Variants in PHLDB2 observed in about 807,000 individuals in gnomAD.
PHLDB2 encodes pleckstrin homology like domain family B member 2, also known as pleckstrin homology-like domain family B member 2.
Under a neutral mutation model 123.6 loss-of-function variants are expected in PHLDB2, and 71 were observed. That is an observed-to-expected ratio of 0.57 (90% CI 0.47 to 0.70). PHLDB2 has a LOEUF of 0.70. Among genes scored for constraint, PHLDB2 ranks in the 30% least tolerant of loss-of-function variants. The probability of loss-of-function intolerance (pLI) is 0.00; values close to 1 mark genes in which losing one functional copy is unlikely to be tolerated. For synonymous variants in PHLDB2, 547 were observed against 541.6 expected, an observed-to-expected ratio of 1.01 and a Z score of -0.14; for missense variants, 1,446 against 1,519.5, an observed-to-expected ratio of 0.95 and a Z score of 0.80.
At chr3:111,798,767 A>G (rs1351834708) in intron 1 of PHLDB2, among the ~76,000 whole-genome samples, 1 of 152,152 alleles carries the variant, frequency 6.6e-6, no homozygotes, top group African/African-American at 2.4e-5. Context: ...TGATGTTTCC[A>G]ATACAATCAA....
intron 5 of PHLDB2, among the ~76,000 whole-genome samples, chr3:111,926,148 A>T (rs2068802470): frequency 1.3e-5 from 2 of 152,262 alleles, no homozygotes; most frequent in African/African-American, 4.8e-5. Flanking sequence ...TTTGAACTGA[A>T]GCTTAAATCA....
chr3:111,834,242 A>T (rs1457434541), intron 1 of PHLDB2, among the ~76,000 whole-genome samples: 2 of 93,090 alleles, frequency 2.1e-5, no homozygotes, highest in African/African-American at 1.6e-4. Flanking sequence ...TGTATATAAT[A>T]GAATTATATA....
rs193194182 is a variant in PHLDB2, at chr3:111,919,155, C to T, written c.1803C>T (p.Leu601=). ...EETRIVILNN[L]EELKQKIKDI... ...CCCGGATAGTCATTCTGAACAACCT[C>T]GAGGAACTTAAGCAAAAAATCAAAG... The change falls in exon 4 of 18, where the codon CTC becomes CTT. Residue 601 remains leucine (L), a synonymous_variant. Transcript: ENST00000431670. 31 of 1,614,004 alleles carry T rather than the reference C, an allele frequency of 1.9e-5. No homozygotes were observed. The African/African-American group carries it at 3.2e-4, about 17-fold the overall frequency.
chr3:111,861,000 G>C (rs2064807180), intron 1 of PHLDB2, among the ~76,000 whole-genome samples: 1 of 152,186 alleles, frequency 6.6e-6, no homozygotes, highest in South Asian at 2.1e-4. Context: ...TTGGGCGTTC[G>C]AGATATGTCT....
At chr3:111,750,304 C>T (rs1454502045) in intron 1 of PHLDB2, among the ~76,000 whole-genome samples, 1 of 152,190 alleles carries the variant, frequency 6.6e-6, no homozygotes, top group Non-Finnish European at 1.5e-5. Flanking sequence ...AAATACAAAA[C>T]ATTTCCCCTT....
intron 1 of PHLDB2, among the ~76,000 whole-genome samples, chr3:111,832,390 C>CA (rs2063089114): frequency 6.8e-6 from 1 of 146,064 alleles, no homozygotes; most frequent in Non-Finnish European, 1.5e-5. Flanking sequence ...AAACAAAAAA[C>CA]AAAAAAACAA....
chr3:111,920,069 A>G (rs1201612228), intron 4 of PHLDB2, among the ~76,000 whole-genome samples: 1 of 152,220 alleles, frequency 6.6e-6, no homozygotes, highest in Admixed American at 6.5e-5. Context: ...TAAGATAGCT[A>G]GTTTTTTTAG....
intron 2 of PHLDB2, among the ~76,000 whole-genome samples, chr3:111,888,202 A>G (rs1318544811): frequency 6.6e-6 from 1 of 152,098 alleles, no homozygotes; most frequent in Non-Finnish European, 1.5e-5. Flanking sequence ...AGGAAGGGCA[A>G]CTTTCTCATT....
intron 2 of PHLDB2, among the ~76,000 whole-genome samples, chr3:111,898,182 T>TGTGTGTGTGTGTGTGTGTG (rs1553747095): frequency 7.0e-6 from 1 of 142,552 alleles, no homozygotes; most frequent in African/African-American, 2.7e-5. Context: ...GTGTGTGTGT[T>TGTGTGTGTGTGTGTGTGTG]TGTGTGTGTG....
At chr3:111,871,590 G>A (rs112890031) in intron 1 of PHLDB2, among the ~76,000 whole-genome samples, 4,396 of 152,270 alleles carry the variant, frequency 0.029, 149 homozygotes, top group South Asian at 0.13. Context: ...GGAGGCGGAG[G>A]TTGCAGTGAG....
intron 2 of PHLDB2, among the ~76,000 whole-genome samples, chr3:111,898,450 T>A (rs1386954470): frequency 6.6e-6 from 1 of 152,160 alleles, no homozygotes; most frequent in Admixed American, 6.5e-5. Context: ...TCCAAAGTGC[T>A]GGGATTACAG....
In PHLDB2 at chr3:111,913,541, G is replaced by A; in HGVS notation, c.1558G>A (p.Ala520Thr). 1 of 1,614,098 alleles carries A rather than the reference G, an allele frequency of 6.2e-7. No individual in the cohort carries two copies. The highest frequency in any genetic ancestry group is 8.5e-7 in the Non-Finnish European group (1 of 1,179,992). The change falls in exon 3 of 18, where the codon GCA (alanine) becomes ACA (threonine). Residue 520 changes from alanine to threonine, a missense_variant. Coordinates refer to ENST00000431670, the MANE Select transcript of PHLDB2 (RefSeq NM_001134438.2). ...RKDSLPDADL[A>T]SCGSLSQSSA... Reference sequence around the variant, plus strand: ...AGACTCCCTCCCTGATGCAGACTTGGCAAGCTGTGGGAGTCTCAGTCAGAG... The same window carrying A: ...AGACTCCCTCCCTGATGCAGACTTGACAAGCTGTGGGAGTCTCAGTCAGAG...
chr3:111,813,297 AAAAT>A (rs1000741636), intron 1 of PHLDB2, among the ~76,000 whole-genome samples: 12 of 152,208 alleles, frequency 7.9e-5, no homozygotes, highest in South Asian at 2.1e-4. Context: ...TTTGTCCATT[AAAAT>A]AAATAAATAA....
At chr3:111,909,735 G>A (rs1374780661) in intron 2 of PHLDB2, among the ~76,000 whole-genome samples, 1 of 150,804 alleles carries the variant, frequency 6.6e-6, no homozygotes, top group Non-Finnish European at 1.5e-5. Context: ...GGGGCTAATA[G>A]AAGAGAGAAG....
At chr3:111,786,764 A>G (rs2060695061) in intron 1 of PHLDB2, among the ~76,000 whole-genome samples, 1 of 152,126 alleles carries the variant, frequency 6.6e-6, no homozygotes, top group South Asian at 2.1e-4. Context: ...GAACTAAAAT[A>G]TCATTACCAG....
rs2068336673 is a variant in PHLDB2, at chr3:111,918,927, C to T, written c.1720-145C>T. ...ATGTGGGAAAAACACATCAGAGCTC[C>T]AAGCGTGCAGTTGCAGGGATGCTTT... On this transcript the variant is annotated intron_variant, in intron 3 of 17. Coordinates refer to ENST00000431670, the MANE Select transcript of PHLDB2 (RefSeq NM_001134438.2). 3 of 832,142 alleles carry T rather than the reference C, an allele frequency of 3.6e-6. No homozygotes were observed. In the Admixed American group the frequency reaches 6.7e-5, roughly 19 times the overall value. 51.5% of individuals were successfully genotyped at this position (832,142 alleles called of 1,614,324 possible). A position where few individuals can be genotyped will look rare whatever the true frequency, so the allele number is the denominator to read the frequency against.
At chr3:111,911,726 T>C in intron 2 of PHLDB2, 1 of 1,535,608 alleles carries the variant, frequency 6.5e-7, no homozygotes, top group Non-Finnish European at 8.7e-7. Flanking sequence ...GAAAGGGAGG[T>C]GCGAGCTTGT....
At chr3:111,769,074 T>C (rs945352598) in intron 1 of PHLDB2, among the ~76,000 whole-genome samples, 1 of 152,188 alleles carries the variant, frequency 6.6e-6, no homozygotes, top group Admixed American at 6.5e-5. Flanking sequence ...CAGATGGAAA[T>C]TGTTAGTGAA....
rs74768828 is a variant in PHLDB2, at chr3:111,867,529, G to T, written c.-15+7953G>T. On this transcript the variant is annotated intron_variant, in intron 1 of 17. Transcript: ENST00000431670. ...AAACCTCACTTTACCCTAAAACATG[G>T]ATTGTTATAAAGCAGATTCCAAACA... Among the ~76,000 whole-genome samples, 1,423 of 152,088 alleles carry T rather than the reference G, an allele frequency of 9.4e-3. 19 individuals carry two copies. The highest frequency in any genetic ancestry group is 0.015 in the Non-Finnish European group (1,052 of 67,992).
Sources: allele counts gnomAD v4.1 joint callset (sites outside exome capture counted in the v4.1 genomes callset), GRCh38; gene constraint gnomAD v4.1.1; transcripts MANE v1.5; gene names NCBI Gene and HGNC (gene_info 2026-07-23, HGNC 2026-07-21).